The following MFSD12 variants were observed in gnomAD, a reference collection of about 807,000 sequenced individuals.
MFSD12 encodes major facilitator superfamily domain containing 12, also known as major facilitator superfamily domain-containing protein 12.
In MFSD12, 67 loss-of-function variants were observed where a neutral mutation model predicts 51.2. The ratio of observed to expected loss-of-function variants is 1.31; its 90% CI spans 1.08 to 1.60. The LOEUF is 1.60. MFSD12 is among the 40% of genes most tolerant of loss of function. The pLI is 0.00. For synonymous variants in MFSD12, 441 were observed against 316.7 expected (o/e 1.39, Z -4.17); for missense variants, 921 against 673.0 (o/e 1.37, Z -4.08).
chr19:3,552,740 C>T (rs1246990220), intron 1 of MFSD12, among the ~76,000 whole-genome samples: 1 of 152,176 alleles, frequency 6.6e-6, no homozygotes, highest in Non-Finnish European at 1.5e-5. Flanking sequence ...CTGCCTCGGC[C>T]TCCCAAAGTG....
Position 3,557,482 on chromosome 19 carries a change from G to A in MFSD12, c.-79C>T. On this transcript the variant is annotated 5_prime_UTR_variant, in exon 1 of 10. Transcript: ENST00000355415. ...CCAGGCCTTCTTGGGTGCCGTGGGG[G>A]CAGGCGCCGGGGACCCCCACCACGC... is the stretch of plus-strand genomic sequence containing the variant. 2 of 939,300 alleles carry A rather than the reference G, an allele frequency of 2.1e-6. No individual in the cohort carries two copies. Among genetic ancestry groups the A allele is most frequent in the South Asian group, 5.3e-5 (1 of 18,976 alleles). The allele number at this position is 939,300 out of a possible 1,614,324, so 58.2% of individuals were successfully genotyped here. A position where few individuals can be genotyped will look rare whatever the true frequency, so the allele number is the denominator to read the frequency against.
At chr19:3,540,089 CTTTT>C (rs770199097), downstream of MFSD12, 9 of 88,200 alleles carry the variant, frequency 1.0e-4, no homozygotes, top group African/African-American at 1.5e-4. Flanking sequence ...CATCTCTTTT[CTTTT>C]TTTTTTTTTT....
rs754942697 is a variant in MFSD12, at chr19:3,551,112, G to A, written c.381C>T (p.Ala127=). 4.6e-5 allele frequency: 75 copies of A among 1,613,018 alleles called. No homozygotes were observed. Among genetic ancestry groups the A allele is most frequent in the Non-Finnish European group, 5.9e-5 (70 of 1,180,006 alleles). Reference sequence around the variant, plus strand: ...CGATGAACGGGCCGTAGTAGAGGAGGGCAGCCCACTCGGGCGTGGCCGCCC... The same window carrying A: ...CGATGAACGGGCCGTAGTAGAGGAGAGCAGCCCACTCGGGCGTGGCCGCCC... ...GCGAATPEWA[A]LLYYGPFIVI... is the part of the protein sequence containing the mutation. Residue 127 remains alanine (A), a synonymous_variant, in exon 2 of 10, where the codon GCC becomes GCT. Coordinates refer to ENST00000355415, the MANE Select transcript of MFSD12 (RefSeq NM_174983.5). The surrounding 1 kb of genome is among the most constrained non-coding windows in gnomAD (Gnocchi z 4.6).
chr19:3,544,359 A>T lies in MFSD12; in HGVS notation c.*351T>A. On this transcript the variant is annotated 3_prime_UTR_variant, in exon 10 of 10. Coordinates refer to ENST00000355415, the MANE Select transcript of MFSD12 (RefSeq NM_174983.5). ...GCCCTGGCAGTGTCTGGAGACCCCC[A>T]GGCTGGAGGTGAGGGGTGAACTGGA... 1 of 1,269,878 alleles carries T rather than the reference A, an allele frequency of 7.9e-7. No individual in the cohort carries two copies. The highest frequency in any genetic ancestry group is 3.8e-5 in the Admixed American group (1 of 26,460). 78.7% of individuals were successfully genotyped at this position (1,269,878 alleles called of 1,614,324 possible).
downstream of MFSD12, chr19:3,542,472 T>C: frequency 1.0e-6 from 1 of 984,670 alleles, no homozygotes; most frequent in Non-Finnish European, 1.2e-6. Flanking sequence ...CATCTTTGAG[T>C]CTCTTGTCTT....
chr19:3,541,791 T>A, downstream of MFSD12: 1 of 985,090 alleles, frequency 1.0e-6, no homozygotes, highest in Non-Finnish European at 1.2e-6. Flanking sequence ...GGCTCATTTC[T>A]CATTGAATAT....
At chr19:3,543,177 G>C, downstream of MFSD12, 1 of 1,523,982 alleles carries the variant, frequency 6.6e-7, no homozygotes, top group South Asian at 1.2e-5. Context: ...ACATCGCAAA[G>C]GGGTCAAAGC....
downstream of MFSD12, chr19:3,542,725 C>T (rs1040584603): frequency 1.1e-5 from 14 of 1,307,142 alleles, no homozygotes; most frequent in Admixed American, 3.0e-4. Flanking sequence ...TCAAGTGATC[C>T]ACCTGCCTCA....
intron 8 of MFSD12, among the ~76,000 whole-genome samples, chr19:3,545,619 A>G (rs2030942933): frequency 6.6e-6 from 1 of 152,000 alleles, no homozygotes; most frequent in Admixed American, 6.6e-5. Flanking sequence ...TCACCTTTAC[A>G]CACCACCCAC....
downstream of MFSD12, chr19:3,543,482 C>CCA (rs1367130533): frequency 7.0e-7 from 1 of 1,433,664 alleles, no homozygotes; most frequent in Non-Finnish European, 9.3e-7. Context: ...GGGTGAGTGC[C>CCA]CCCCCCCCCG....
At position 3,544,507 on chromosome 19, in the gene MFSD12, C is replaced by G; in HGVS notation, c.*203G>C. The G allele has an allele frequency of 7.1e-7, 1 of 1,402,034 alleles. No homozygotes were observed. The highest frequency in any genetic ancestry group is 9.3e-7 in the Non-Finnish European group (1 of 1,080,778). The allele number at this position is 1,402,034 out of a possible 1,614,324, so 86.8% of individuals were successfully genotyped here. Reference sequence around the variant, plus strand: ...GGATTAGAGTTGAGAATGGGACACCCTCAAAACCCAGGGGGTCCTTGCAAG... The same window carrying G: ...GGATTAGAGTTGAGAATGGGACACCGTCAAAACCCAGGGGGTCCTTGCAAG... On this transcript the variant is annotated 3_prime_UTR_variant, in exon 10 of 10. Coordinates refer to ENST00000355415, the MANE Select transcript of MFSD12 (RefSeq NM_174983.5).
chr19:3,546,037 T>C (rs1450112292), intron 8 of MFSD12, 37 bp downstream of exon 8: 12 of 1,606,612 alleles, frequency 7.5e-6, no homozygotes, highest in South Asian at 2.2e-5. Flanking sequence ...CCCCTCTTAC[T>C]GAACAAAAGA....
At chr19:3,542,077 T>C, downstream of MFSD12, 1 of 973,410 alleles carries the variant, frequency 1.0e-6, no homozygotes. Context: ...CCCAAAGTGC[T>C]GGGATTACAG....
intron 2 of MFSD12, among the ~76,000 whole-genome samples, chr19:3,550,014 G>C (rs1015753713): frequency 2.6e-5 from 4 of 152,114 alleles, no homozygotes; most frequent in Non-Finnish European, 5.9e-5. Flanking sequence ...GGCTTCCTGG[G>C]ATCAGAGATT....
intron 2 of MFSD12, among the ~76,000 whole-genome samples, chr19:3,550,562 T>C (rs2031417240): frequency 6.6e-6 from 1 of 152,062 alleles, no homozygotes; most frequent in Admixed American, 6.6e-5. Flanking sequence ...CGGCTAATTT[T>C]TTGTATTTTT....
intron 3 of MFSD12, 23 bp downstream of exon 3, chr19:3,548,100 G>C: frequency 6.2e-7 from 1 of 1,603,410 alleles, no homozygotes. Flanking sequence ...GACTTCAGGC[G>C]ACCCACCCGG....
Position 3,547,987 on chromosome 19 carries a change from A to G in MFSD12, c.698T>C (p.Leu233Pro). Reference sequence around the variant, plus strand: ...CTCCCGGGTGCCCAGGTGGAATAGCAGTGAGAACACGGCGCCGACACCCAC... The same window carrying G: ...CTCCCGGGTGCCCAGGTGGAATAGCGGTGAGAACACGGCGCCGACACCCAC... The part of the protein sequence containing the change: ...LVVGVGAVFS[L>P]LFHLGTRERR... The change falls in exon 4 of 10, where the codon CTG (leucine) becomes CCG (proline). Residue 233 changes from leucine to proline, a missense_variant. Physicochemically the swap from Leu to Pro is moderately conservative, Grantham distance 98 (BLOSUM62 -3). Transcript: ENST00000355415. 2 of 1,599,080 alleles carry G rather than the reference A, an allele frequency of 1.3e-6. No homozygotes were observed. Among genetic ancestry groups the G allele is most frequent in the Non-Finnish European group, 1.7e-6 (2 of 1,179,230 alleles).
rs755254718 is a variant in MFSD12 at position 3,547,320 on chromosome 19, G to C, written c.975C>G (p.Phe325Leu). Residue 325 changes from phenylalanine (F) to leucine (L), a missense_variant, in exon 6 of 10, where the codon TTC becomes TTG. Transcript: ENST00000355415. The part of the protein sequence containing the change: ...TIPLVMYLSG[F>L]LSSFLMKPIN... ...TGGGCTTCATGAGGAAGGAGGACAA[G>C]AAGCCGCTGAGGTACATCACCAGGG... The C allele has an allele frequency of 6.2e-7, 1 of 1,613,394 alleles. No individual in the cohort carries two copies.
At chr19:3,547,815 G>A in intron 4 of MFSD12, 33 bp downstream of exon 4, 2 of 1,462,970 alleles carry the variant, frequency 1.4e-6, no homozygotes, top group Non-Finnish European at 1.8e-6. Context: ...GGGAGAGAAG[G>A]CCCACGCCAG....
Sources: allele counts gnomAD v4.1 joint callset (sites outside exome capture counted in the v4.1 genomes callset), GRCh38; gene constraint gnomAD v4.1.1; non-coding constraint Gnocchi (gnomAD v3.1); transcripts MANE v1.5; gene names NCBI Gene and HGNC (gene_info 2026-07-23, HGNC 2026-07-21).